Variants in STRN3 observed in about 807,000 individuals in gnomAD.
STRN3 encodes the protein striatin 3, also known as striatin-3.
A neutral mutation model predicts 95.6 loss-of-function variants in STRN3; 29 were observed. That is an observed-to-expected ratio of 0.30 (90% CI 0.23 to 0.41). The LOEUF is 0.41. STRN3 is among the 10% of genes least tolerant of loss of function. The probability of loss-of-function intolerance (pLI) is 1.00; values close to 1 mark genes in which losing one functional copy is unlikely to be tolerated. For missense variants in STRN3, 890 were observed against 972.1 expected (o/e 0.92, Z 1.12); for synonymous variants, 331 against 357.6 (o/e 0.93, Z 0.84).
intron 1 of STRN3, among the ~76,000 whole-genome samples, chr14:30,991,459 A>T (rs1469161786): frequency 6.6e-6 from 1 of 152,186 alleles, no homozygotes; most frequent in East Asian, 1.9e-4. Flanking sequence ...CAGGTTAATA[A>T]ATATTATAAT....
intron 1 of STRN3, among the ~76,000 whole-genome samples, chr14:30,958,608 T>C: frequency 6.6e-6 from 1 of 152,210 alleles, no homozygotes; most frequent in East Asian, 1.9e-4. Context: ...CCATTATGTA[T>C]CTCTCAATTT....
intron 1 of STRN3, among the ~76,000 whole-genome samples, chr14:31,013,889 T>TATTATTTGAGACAGAGTGTC (rs1555327143): frequency 0.085 from 12,021 of 141,908 alleles, 782 homozygotes; most frequent in Non-Finnish European, 0.13. Context: ...TTATTATTAT[T>TATTATTTGAGACAGAGTGTC]ATTATTATTA....
At position 31,026,099 on chromosome 14, in the gene STRN3, GC is replaced by G; in HGVS notation, c.86del (p.Gly29AlafsTer82). The stretch of plus-strand genomic sequence containing the variant: ...CCGCTCCGTTCCCCCCGGGCGAAAG[GC>G]CCAGGTTCCCCCCAGGTCCCTGCTG... ...RQQQGPGGNLGLSPGGNGAAG... is the reference protein window; with the variant it reads ...RQQQGPGGNLXLSPGGNGAAG... On this transcript the variant is annotated frameshift_variant, in exon 1 of 18. Coordinates refer to ENST00000357479, the MANE Select transcript of STRN3 (RefSeq NM_001083893.2). LOFTEE classifies it high-confidence loss of function. 6.5e-7 allele frequency: 1 copy of G among 1,527,424 alleles called. No homozygotes were observed. 94.6% of individuals were successfully genotyped at this position (1,527,424 alleles called of 1,614,324 possible). A position where few individuals can be genotyped will look rare whatever the true frequency, so the allele number is the denominator to read the frequency against.
intron 1 of STRN3, among the ~76,000 whole-genome samples, chr14:30,957,417 C>G (rs1202843896): frequency 7.0e-6 from 1 of 143,158 alleles, no homozygotes; most frequent in Non-Finnish European, 1.5e-5. Context: ...GGTGCCACTG[C>G]ACTCCAGCCT....
intron 1 of STRN3, among the ~76,000 whole-genome samples, chr14:31,021,056 G>A (rs940025867): frequency 3.9e-5 from 6 of 152,100 alleles, no homozygotes; most frequent in Non-Finnish European, 8.8e-5. Context: ...CAGGCCATAC[G>A]CAGGGGGAAG....
chr14:30,951,379 A>G (rs1879633799), intron 3 of STRN3, among the ~76,000 whole-genome samples: 1 of 151,998 alleles, frequency 6.6e-6, no homozygotes, highest in African/African-American at 2.4e-5. Context: ...GACCACAGGC[A>G]TGTACCACCA....
chr14:31,022,583 C>T (rs1883554349), intron 1 of STRN3, among the ~76,000 whole-genome samples: 1 of 151,310 alleles, frequency 6.6e-6, no homozygotes, highest in Non-Finnish European at 1.5e-5. Context: ...CTCAATAAAA[C>T]TTTATTGAAA....
chr14:30,950,771 T>C (rs1456660184), intron 4 of STRN3, 92 bp downstream of exon 4: 4 of 1,181,242 alleles, frequency 3.4e-6, no homozygotes, highest in Non-Finnish European at 4.9e-6. Flanking sequence ...ATACACATTG[T>C]CCCAATATGA....
At chr14:30,900,764 G>T (rs772271196) in intron 16 of STRN3, among the ~76,000 whole-genome samples, 6,799 of 145,012 alleles carry the variant, frequency 0.047, 198 homozygotes, top group East Asian at 0.09. Context: ...AAAAAAAAAG[G>T]ATTTTTTTTT....
At position 31,015,849 on chromosome 14, in the gene STRN3, A is replaced by G. The variant is rs60859823; in HGVS notation, c.282+10055T>C. ...GGACTCACTCTGTCACCCAGGCCGGAGTGCAGTGGGGTGATCATGGATCAC... is the reference window on the plus strand; with the variant it reads ...GGACTCACTCTGTCACCCAGGCCGGGGTGCAGTGGGGTGATCATGGATCAC... On this transcript the variant is annotated intron_variant, in intron 1 of 17. Coordinates refer to ENST00000357479, the MANE Select transcript of STRN3 (RefSeq NM_001083893.2). 2.9e-3 allele frequency among the ~76,000 whole-genome samples: 442 copies of G among 152,244 alleles called. 5 individuals are homozygous for G. The highest frequency in any genetic ancestry group is 0.01 in the African/African-American group (420 of 41,570).
At chr14:30,983,782 A>C (rs950753950) in intron 1 of STRN3, among the ~76,000 whole-genome samples, 2 of 152,242 alleles carry the variant, frequency 1.3e-5, no homozygotes, top group Non-Finnish European at 2.9e-5. Flanking sequence ...CTATAGTACT[A>C]AATTCAATAA....
intron 1 of STRN3, among the ~76,000 whole-genome samples, chr14:30,988,636 T>C (rs951551963): frequency 6.6e-6 from 1 of 152,200 alleles, no homozygotes; most frequent in African/African-American, 2.4e-5. Context: ...GGTACAATTA[T>C]AAAGCAGGTC....
At chr14:30,906,203 C>G (rs1896456747) in intron 14 of STRN3, among the ~76,000 whole-genome samples, 1 of 152,072 alleles carries the variant, frequency 6.6e-6, no homozygotes, top group Non-Finnish European at 1.5e-5. Flanking sequence ...ATTCTTACCT[C>G]TAAAGCTTGG....
At position 30,893,884 on chromosome 14, in the gene STRN3, A is replaced by T. The variant is rs1414694741; in HGVS notation, c.*1527T>A. 1.3e-5 allele frequency: 2 copies of T among 152,618 alleles called. No individual in the cohort carries two copies. Among genetic ancestry groups the T allele is most frequent in the Non-Finnish European group, 2.9e-5 (2 of 68,018 alleles). The allele number at this position is 152,618 out of a possible 1,614,324, so 9.5% of individuals were successfully genotyped here. A position where few individuals can be genotyped will look rare whatever the true frequency, so the allele number is the denominator to read the frequency against. ...AAAATGATGTAGCCAACAGTAACAT[A>T]CAGGTACACAATTTAATATTTATTA... On this transcript the variant is annotated 3_prime_UTR_variant, in exon 18 of 18. Coordinates refer to ENST00000357479, the MANE Select transcript of STRN3 (RefSeq NM_001083893.2).
chr14:31,014,299 C>G (rs1256816972), intron 1 of STRN3, among the ~76,000 whole-genome samples: 2 of 152,090 alleles, frequency 1.3e-5, no homozygotes, highest in Admixed American at 1.3e-4. Flanking sequence ...CGGCCCACTG[C>G]AACCTCCGCC....
At chr14:31,020,188 A>G (rs1378075022) in intron 1 of STRN3, among the ~76,000 whole-genome samples, 2 of 152,216 alleles carry the variant, frequency 1.3e-5, no homozygotes, top group African/African-American at 2.4e-5. Context: ...AACCAAAAAT[A>G]ATGTCAACCA....
At chr14:30,979,947 T>C (rs1371552924) in intron 1 of STRN3, among the ~76,000 whole-genome samples, 1 of 151,948 alleles carries the variant, frequency 6.6e-6, no homozygotes, top group Non-Finnish European at 1.5e-5. Flanking sequence ...AGCATGTGAA[T>C]GCACATAAGA....
intron 1 of STRN3, among the ~76,000 whole-genome samples, chr14:31,010,718 A>G (rs1480399971): frequency 6.6e-6 from 1 of 152,202 alleles, no homozygotes; most frequent in African/African-American, 2.4e-5. Flanking sequence ...CCCGCCCCAC[A>G]GTGCATTAAT....
In STRN3 at chr14:31,026,348, C is replaced by T. The variant is rs1883934068; in HGVS notation, c.-163G>A. On this transcript the variant is annotated 5_prime_UTR_variant, in exon 1 of 18. Transcript: ENST00000357479. ...GCCGTGGGTCAGAGCAGGGAGCTGC[C>T]GGCTGCCGCCATTACAATCCCTCCT... is the stretch of plus-strand genomic sequence containing the variant. 1.7e-5 allele frequency: 8 copies of T among 469,998 alleles called. No individual in the cohort carries two copies. Among genetic ancestry groups the T allele is most frequent in the South Asian group, 1.2e-4 (3 of 24,940 alleles). The allele number at this position is 469,998 out of a possible 1,614,324, so 29.1% of individuals were successfully genotyped here.
Sources: gnomAD v4.1 joint callset for allele counts (sites outside exome capture counted in the v4.1 genomes callset) on GRCh38, gnomAD v4.1.1 for gene constraint, MANE v1.5 for transcripts, NCBI Gene and HGNC (gene_info 2026-07-23, HGNC 2026-07-21) for gene names.